Variants in KCNIP1 observed in about 807,000 individuals in gnomAD.
KCNIP1 encodes the protein potassium voltage-gated channel interacting protein 1, also known as A-type potassium channel modulatory protein KCNIP1.
In KCNIP1, 18 loss-of-function variants were observed where a neutral mutation model predicts 33.0. The observed-to-expected ratio is 0.55, with a 90% CI of 0.38 to 0.81. The LOEUF is 0.81. Ranked by LOEUF, KCNIP1 falls within the 30% of genes least tolerant of loss-of-function variation. The pLI is 0.00. For missense variants in KCNIP1, 238 were observed against 271.6 expected (o/e 0.88, Z 0.87); for synonymous variants, 93 against 98.3 (o/e 0.95, Z 0.32).
At chr5:170,612,266 A>G (rs1234944974) in intron 1 of KCNIP1, among the ~76,000 whole-genome samples, 2 of 152,144 alleles carry the variant, frequency 1.3e-5, no homozygotes, top group African/African-American at 2.4e-5. Context: ...CCCTTTTCCA[A>G]ATTTCCTCCC....
intron 1 of KCNIP1, among the ~76,000 whole-genome samples, chr5:170,662,267 T>A (rs1299027946): frequency 6.6e-6 from 1 of 152,148 alleles, no homozygotes; most frequent in Non-Finnish European, 1.5e-5. Flanking sequence ...AGGTAGGGTG[T>A]TCTTTCCCTT....
chr5:170,358,467 G>C (rs917835553), intron 1 of KCNIP1, among the ~76,000 whole-genome samples: 5 of 152,130 alleles, frequency 3.3e-5, no homozygotes, highest in Non-Finnish European at 5.9e-5. Context: ...CCTTGGACCC[G>C]GGCATGGACT....
rs1412357659 is a variant in KCNIP1, at chr5:170,661,888, T to C, written c.62-56870T>C. Among the ~76,000 whole-genome samples the C allele has an allele frequency of 2.6e-5, 4 of 152,334 alleles. No homozygotes were observed. The East Asian group carries it at 7.7e-4, about 29-fold the overall frequency. On this transcript the variant is annotated intron_variant, in intron 1 of 7. Transcript: ENST00000328939. ...CACACATCTTTCCAAAACCAATTTC[T>C]ACTTCTTGGGTCCCCTCTCAATGTG...
At chr5:170,462,959 G>A (rs931709485) in intron 1 of KCNIP1, among the ~76,000 whole-genome samples, 4 of 152,044 alleles carry the variant, frequency 2.6e-5, no homozygotes, top group Admixed American at 2.0e-4. Context: ...TGGACTTTGG[G>A]GACTCAGGGG....
chr5:170,696,494 A>G (rs900773354), intron 1 of KCNIP1, among the ~76,000 whole-genome samples: 1 of 152,166 alleles, frequency 6.6e-6, no homozygotes, highest in Non-Finnish European at 1.5e-5. Flanking sequence ...TCACATTGAT[A>G]CTGTCTGGGG....
chr5:170,605,091 C>T (rs1438120824), intron 1 of KCNIP1, among the ~76,000 whole-genome samples: 2 of 152,196 alleles, frequency 1.3e-5, no homozygotes, highest in South Asian at 2.1e-4. Flanking sequence ...TGATTTTTGG[C>T]TCTGTGTCAC....
intron 1 of KCNIP1, among the ~76,000 whole-genome samples, chr5:170,409,031 C>G (rs571958813): frequency 6.6e-6 from 1 of 152,086 alleles, no homozygotes; most frequent in South Asian, 2.1e-4. Flanking sequence ...GCTGCAGAGG[C>G]GGGAGGGGCA....
At chr5:170,386,294 G>A (rs1185262925) in intron 1 of KCNIP1, among the ~76,000 whole-genome samples, 1 of 152,228 alleles carries the variant, frequency 6.6e-6, no homozygotes, top group East Asian at 1.9e-4. Context: ...ACAGCAATTA[G>A]AGTGATGTGA....
chr5:170,502,154 G>A (rs1183560634), upstream of KCNIP1, among the ~76,000 whole-genome samples: 3 of 152,206 alleles, frequency 2.0e-5, no homozygotes, highest in African/African-American at 7.2e-5. Flanking sequence ...TTTCTCTCTG[G>A]GGTAATGATC....
chr5:170,734,018 G>A, intron 7 of KCNIP1, 120 bp downstream of exon 7: 1 of 705,346 alleles, frequency 1.4e-6, no homozygotes, highest in Non-Finnish European at 2.4e-6. Context: ...TCCCATCAGA[G>A]CCAACAACAC....
intron 1 of KCNIP1, chr5:170,422,368 G>A (rs2113430678): frequency 6.6e-6 from 1 of 152,304 alleles, no homozygotes; most frequent in Non-Finnish European, 1.5e-5. Flanking sequence ...AGACAGTCTG[G>A]ACAATTTATG....
chr5:170,526,789 C>G (rs1022517818), intron 1 of KCNIP1, among the ~76,000 whole-genome samples: 8 of 145,694 alleles, frequency 5.5e-5, no homozygotes, highest in Non-Finnish European at 8.9e-5. Flanking sequence ...GTGGCGCGAT[C>G]TCAGCTCAGG....
At chr5:170,662,938 C>T (rs1409526519) in intron 1 of KCNIP1, among the ~76,000 whole-genome samples, 1 of 152,216 alleles carries the variant, frequency 6.6e-6, no homozygotes, top group East Asian at 1.9e-4. Flanking sequence ...GTTGCAAAGT[C>T]TTCCTTAAAA....
At chr5:170,494,723 C>T (rs572297832) in intron 1 of KCNIP1, among the ~76,000 whole-genome samples, 4 of 152,278 alleles carry the variant, frequency 2.6e-5, no homozygotes, top group African/African-American at 9.6e-5. Context: ...ACAGGCTCCC[C>T]GTCCCCTCAC....
intron 1 of KCNIP1, among the ~76,000 whole-genome samples, chr5:170,710,019 C>A (rs181331013): frequency 6.6e-6 from 1 of 152,168 alleles, no homozygotes; most frequent in South Asian, 2.1e-4. Flanking sequence ...AGGCGCGCAC[C>A]ACCATGCCCA....
chr5:170,371,568 C>T (rs1763845833), intron 1 of KCNIP1, among the ~76,000 whole-genome samples: 1 of 152,120 alleles, frequency 6.6e-6, no homozygotes, highest in Non-Finnish European at 1.5e-5. Context: ...TGCCTTGGGG[C>T]AAGTTAAATC....
At chr5:170,405,950 T>C (rs953285985) in intron 1 of KCNIP1, among the ~76,000 whole-genome samples, 3 of 152,174 alleles carry the variant, frequency 2.0e-5, no homozygotes, top group Non-Finnish European at 4.4e-5. Flanking sequence ...CACATCCAGA[T>C]AGAGACTAGG....
intron 5 of KCNIP1, among the ~76,000 whole-genome samples, chr5:170,729,623 T>C (rs1170880856): frequency 6.6e-6 from 1 of 151,974 alleles, no homozygotes; most frequent in Non-Finnish European, 1.5e-5. Flanking sequence ...TAAATAAAAA[T>C]AGTCAATACA....
intron 1 of KCNIP1, among the ~76,000 whole-genome samples, chr5:170,676,797 C>T (rs747764932): frequency 6.6e-6 from 1 of 152,194 alleles, no homozygotes; most frequent in Non-Finnish European, 1.5e-5. Flanking sequence ...GGTTACACAG[C>T]AACAAGCAAG....
Sources: allele counts gnomAD v4.1 joint callset (sites outside exome capture counted in the v4.1 genomes callset), GRCh38; gene constraint gnomAD v4.1.1; transcripts MANE v1.5; gene names NCBI Gene and HGNC (gene_info 2026-07-23, HGNC 2026-07-21).